Variants in ITPK1 observed in about 807,000 individuals in gnomAD.
The protein encoded by ITPK1 is inositol-tetrakisphosphate 1-kinase.
A neutral mutation model predicts 45.3 loss-of-function variants in ITPK1; 21 were observed. That is an observed-to-expected ratio of 0.46 (90% confidence interval 0.33 to 0.67). The LOEUF is 0.67. ITPK1 is among the 30% of genes least tolerant of loss of function. The probability of loss-of-function intolerance (pLI) is 0.02; values close to 1 mark genes in which losing one functional copy is unlikely to be tolerated. For synonymous variants in ITPK1, 258 were observed against 253.6 expected (o/e 1.02, Z -0.16); for missense variants, 474 against 573.5 (o/e 0.83, Z 1.77).
At chr14:93,056,531 C>T (rs1398992717) in intron 3 of ITPK1, among the ~76,000 whole-genome samples, 4 of 152,208 alleles carry the variant, frequency 2.6e-5, no homozygotes, top group Non-Finnish European at 5.9e-5. Flanking sequence ...CTCAGCAGTG[C>T]ACCCCCAAGG....
chr14:92,988,357 C>T (rs949899072), intron 5 of ITPK1, among the ~76,000 whole-genome samples: 2 of 152,194 alleles, frequency 1.3e-5, no homozygotes, highest in African/African-American at 2.4e-5. Flanking sequence ...GAGGCACTGG[C>T]GACCCACTTC....
intron 9 of ITPK1, among the ~76,000 whole-genome samples, chr14:92,950,207 A>G (rs1388341417): frequency 5.3e-5 from 8 of 152,234 alleles, no homozygotes; most frequent in Non-Finnish European, 1.2e-4. Flanking sequence ...CCGCAGGGGC[A>G]TCCCACTGGG....
chr14:92,956,120 GC>G (rs1353878079), intron 8 of ITPK1, among the ~76,000 whole-genome samples: 2 of 136,792 alleles, frequency 1.5e-5, no homozygotes, highest in East Asian at 5.1e-4. Context: ...GGCTTAGTCT[GC>G]TTTTTTTTTT....
intron 5 of ITPK1, among the ~76,000 whole-genome samples, chr14:92,989,300 ATC>A (rs895303557): frequency 9.9e-5 from 15 of 152,278 alleles, no homozygotes; most frequent in African/African-American, 3.1e-4. Context: ...CAAACAGGCC[ATC>A]TGTCACCCCC....
chr14:92,962,963 C>T (rs1885168393), intron 5 of ITPK1, 114 bp from the exon 6 acceptor site: 1 of 635,412 alleles, frequency 1.6e-6, no homozygotes, highest in Non-Finnish European at 2.7e-6. Context: ...GCTCCTGGAT[C>T]TGACCGTCCC....
intron 5 of ITPK1, among the ~76,000 whole-genome samples, chr14:92,984,234 G>A (rs893593699): frequency 2.0e-5 from 3 of 152,160 alleles, no homozygotes; most frequent in African/African-American, 7.2e-5. Flanking sequence ...ACTAATACAG[G>A]GAACTCAAGA....
chr14:92,940,334 T>G lies in ITPK1; in HGVS notation c.*1227A>C. ...CCACATCTTCCAGGACTGCAGAGGC[T>G]TCTCCCCAACCCTTTTCTCTGCAGA... On this transcript the variant is annotated 3_prime_UTR_variant, in exon 11 of 11. Coordinates refer to ENST00000267615, the MANE Select transcript of ITPK1 (RefSeq NM_014216.6). 2.0e-6 allele frequency: 2 copies of G among 997,640 alleles called. No individual in the cohort carries two copies. Among genetic ancestry groups the G allele is most frequent in the South Asian group, 4.3e-5 (1 of 23,130 alleles). The allele number at this position is 997,640 out of a possible 1,614,324, so 61.8% of individuals were successfully genotyped here.
intron 2 of ITPK1, among the ~76,000 whole-genome samples, chr14:93,099,754 C>T (rs887350107): frequency 1.4e-4 from 22 of 152,170 alleles, no homozygotes; most frequent in Non-Finnish European, 2.9e-4. Context: ...ACCAGCACTC[C>T]CACCCAGCTG....
At chr14:92,946,514 G>A in intron 9 of ITPK1, 21 bp from the exon 10 acceptor site, 1 of 1,610,658 alleles carries the variant, frequency 6.2e-7, no homozygotes, top group Non-Finnish European at 8.5e-7. Flanking sequence ...ACACAAGGAA[G>A]TCAGGCCATG....
In ITPK1 at chr14:93,034,903, A is replaced by G. The variant is rs1161366928; in HGVS notation, c.121-18102T>C. Reference sequence around the variant, plus strand: ...TGAGGTCCTGGCCCTCCCATCACCTATGGGGCCTGGCAGGCCTTCCCTTCT... The same window carrying G: ...TGAGGTCCTGGCCCTCCCATCACCTGTGGGGCCTGGCAGGCCTTCCCTTCT... On this transcript the variant is annotated intron_variant, in intron 3 of 10. Coordinates refer to ENST00000267615, the MANE Select transcript of ITPK1 (RefSeq NM_014216.6). The surrounding 1 kb of genome is among the most constrained non-coding windows in gnomAD (Gnocchi z 4.1). Among the ~76,000 whole-genome samples, 1 of 152,182 alleles carries G rather than the reference A, an allele frequency of 6.6e-6. No homozygotes were observed. Among genetic ancestry groups the G allele is most frequent in the Non-Finnish European group, 1.5e-5 (1 of 68,012 alleles).
At chr14:92,964,387 G>A (rs1355432452) in intron 5 of ITPK1, among the ~76,000 whole-genome samples, 2 of 143,600 alleles carry the variant, frequency 1.4e-5, no homozygotes, top group Non-Finnish European at 3.1e-5. Flanking sequence ...CAGGAGAGGG[G>A]AAGTCAGGAA....
chr14:93,060,362 G>A (rs1890466237), intron 3 of ITPK1, among the ~76,000 whole-genome samples: 1 of 152,138 alleles, frequency 6.6e-6, no homozygotes, highest in African/African-American at 2.4e-5. Flanking sequence ...ATATGAAGAG[G>A]AACACGTTCT....
At chr14:92,967,144 TA>T (rs144596459) in intron 5 of ITPK1, among the ~76,000 whole-genome samples, 124 of 152,154 alleles carry the variant, frequency 8.1e-4, no homozygotes, top group African/African-American at 2.8e-3. Flanking sequence ...AAAGAAAACA[TA>T]AAGACAACCC....
rs138433109 is a variant in ITPK1 at position 93,012,408 on chromosome 14, G to A, written c.246+4268C>T. 6.6e-6 allele frequency among the ~76,000 whole-genome samples: 1 copy of A among 152,308 alleles called. No individual in the cohort carries two copies. The highest frequency in any genetic ancestry group is 1.5e-5 in the Non-Finnish European group (1 of 68,018). On this transcript the variant is annotated intron_variant, in intron 4 of 10. Coordinates refer to ENST00000267615, the MANE Select transcript of ITPK1 (RefSeq NM_014216.6). The surrounding 1 kb of genome is among the most constrained non-coding windows in gnomAD (Gnocchi z 4.9). ...CAGCTTGTGCAAAGGCGCTGAGGTG[G>A]ACACACATCAGAGCCTGGGCAGCTG...
At chr14:93,113,089 T>C (rs1193351986) in intron 2 of ITPK1, among the ~76,000 whole-genome samples, 1 of 152,230 alleles carries the variant, frequency 6.6e-6, no homozygotes, top group African/African-American at 2.4e-5. Context: ...ATCTAAAGCT[T>C]CCCTAGTGAA....
chr14:92,983,438 C>T (rs899779060), intron 5 of ITPK1, among the ~76,000 whole-genome samples: 6 of 152,138 alleles, frequency 3.9e-5, no homozygotes, highest in Admixed American at 6.5e-5. Context: ...TTCATGAACC[C>T]GTCCACAATT....
chr14:93,050,802 G>A (rs566266881), intron 3 of ITPK1, among the ~76,000 whole-genome samples: 82 of 151,974 alleles, frequency 5.4e-4, no homozygotes, highest in Non-Finnish European at 9.9e-4. Context: ...CGCCAGCATC[G>A]GGTAGGCCCA....
At chr14:93,044,106 G>A (rs530379798) in intron 3 of ITPK1, among the ~76,000 whole-genome samples, 1 of 151,342 alleles carries the variant, frequency 6.6e-6, no homozygotes, top group South Asian at 2.1e-4. Flanking sequence ...GGTTGGGGGG[G>A]AGGTGAGGAG....
intron 3 of ITPK1, chr14:93,069,640 GGTTTCCCTGCCAGTGGGCATCCCCACA>G (rs1566768337): frequency 6.6e-6 from 1 of 152,602 alleles, no homozygotes; most frequent in African/African-American, 2.4e-5. Flanking sequence ...GCATCCCCAC[GGTTTCCCTGCCAGTGGGCATCCCCACA>G]GTTCCTTCGC....
Sources: gnomAD v4.1 joint callset for allele counts (sites outside exome capture counted in the v4.1 genomes callset) on GRCh38, gnomAD v4.1.1 for gene constraint, Gnocchi (gnomAD v3.1) non-coding constraint, MANE v1.5 for transcripts, NCBI Gene and HGNC (gene_info 2026-07-23, HGNC 2026-07-21) for gene names.